The following EYS variants were observed in gnomAD, a reference collection of about 807,000 sequenced individuals.
EYS encodes the protein EGF-like photoreceptor maintenance factor.
Under a neutral mutation model 282.1 loss-of-function variants are expected in EYS, and 250 were observed. That is an observed-to-expected ratio of 0.89 (90% CI 0.80 to 0.98). EYS has a LOEUF of 0.98. Ranked by LOEUF, EYS falls within the 50% of genes least tolerant of loss-of-function variation. EYS has a pLI of 0.00. For missense variants in EYS, 4,016 were observed against 3,709.0 expected, an observed-to-expected ratio of 1.08 and a Z score of -2.15; for synonymous variants, 1,355 against 1,282.9, an observed-to-expected ratio of 1.06 and a Z score of -1.20.
intron 32 of EYS, among the ~76,000 whole-genome samples, chr6:64,076,773 A>G (rs1771786070): frequency 6.6e-6 from 1 of 151,900 alleles, no homozygotes; most frequent in Non-Finnish European, 1.5e-5. Flanking sequence ...TAGTGTAAAA[A>G]CAGGCTAATA....
intron 16 of EYS, among the ~76,000 whole-genome samples, chr6:64,907,805 T>C (rs75387498): frequency 1.0e-3 from 157 of 152,150 alleles, no homozygotes; most frequent in African/African-American, 3.5e-3. Context: ...GAATTTACTA[T>C]GTGTCTTAGC....
intron 22 of EYS, among the ~76,000 whole-genome samples, chr6:64,737,171 A>T (rs560120588): frequency 7.2e-5 from 11 of 152,200 alleles, no homozygotes; most frequent in Non-Finnish European, 1.2e-4. Flanking sequence ...ATAATAATCC[A>T]CTGTGATATA....
At chr6:64,812,240 TACACACACAC>T (rs71739816) in intron 22 of EYS, among the ~76,000 whole-genome samples, 1 of 147,956 alleles carries the variant, frequency 6.8e-6, no homozygotes, top group African/African-American at 2.5e-5. Context: ...GGATTTAAAA[TACACACACAC>T]ACACACACAC....
At chr6:65,303,583 TGA>T (rs1466013860) in intron 11 of EYS, 5 of 722,110 alleles carry the variant, frequency 6.9e-6, no homozygotes, top group Non-Finnish European at 1.2e-5. Context: ...ATAAAGTTGG[TGA>T]GATCCATGTG....
chr6:64,238,457 C>T (rs187927470), intron 30 of EYS, among the ~76,000 whole-genome samples: 106 of 152,182 alleles, frequency 7.0e-4, no homozygotes, highest in African/African-American at 2.4e-3. Context: ...AATTATATAG[C>T]GGTGAAGTCT....
At chr6:65,677,105 GAAA>G (rs58880200) in intron 1 of EYS, among the ~76,000 whole-genome samples, 16,596 of 107,932 alleles carry the variant, frequency 0.15, 1,114 homozygotes, top group East Asian at 0.25. Context: ...AGTCATTGGT[GAAA>G]AAAAAAAAAA....
intron 30 of EYS, among the ~76,000 whole-genome samples, chr6:64,264,298 C>T (rs970808167): frequency 2.0e-5 from 3 of 152,208 alleles, no homozygotes; most frequent in South Asian, 2.1e-4. Context: ...TAGGCTTAGG[C>T]GGGCAGTTCT....
chr6:65,072,720 A>G (rs372412912), intron 12 of EYS, among the ~76,000 whole-genome samples: 5 of 151,976 alleles, frequency 3.3e-5, no homozygotes, highest in African/African-American at 1.2e-4. Flanking sequence ...AATTCAAAAA[A>G]GAATCACAAA....
rs145130233 is a variant in EYS, at chr6:65,104,306, A to G, written c.2024-46579T>C. On this transcript the variant is annotated intron_variant, in intron 12 of 42. Transcript: ENST00000503581. ...AAAATGTCTTATAATGTGTCCTTCA[A>G]TGTTTAGAATGTTGTTTCTTTACTA... 7.2e-3 allele frequency among the ~76,000 whole-genome samples: 1,090 copies of G among 151,524 alleles called. 16 individuals carry two copies. Among genetic ancestry groups the G allele is most frequent in the African/African-American group, 0.025 (1,026 of 41,480 alleles).
At chr6:64,918,462 T>C (rs1768232712) in intron 15 of EYS, among the ~76,000 whole-genome samples, 1 of 152,136 alleles carries the variant, frequency 6.6e-6, no homozygotes, top group Admixed American at 6.5e-5. Context: ...TGTTTGTTCG[T>C]TTGTTTGTTT....
chr6:65,065,855 A>G (rs1443459148), intron 12 of EYS, among the ~76,000 whole-genome samples: 1 of 152,166 alleles, frequency 6.6e-6, no homozygotes, highest in East Asian at 1.9e-4. Context: ...TTCAATCCCC[A>G]CACTTACTAC....
At chr6:64,350,153 AACATTTTTTGTCAT>A (rs1771571148) in intron 29 of EYS, among the ~76,000 whole-genome samples, 2 of 151,678 alleles carry the variant, frequency 1.3e-5, no homozygotes, top group South Asian at 4.1e-4. Flanking sequence ...TAATAATGAT[AACATTTTTTGTCAT>A]ACATAATATT....
At chr6:64,254,566 A>G (rs1233241490) in intron 30 of EYS, among the ~76,000 whole-genome samples, 1 of 152,114 alleles carries the variant, frequency 6.6e-6, no homozygotes, top group East Asian at 1.9e-4. Context: ...CTCTGAGGTC[A>G]CATCAAGATG....
In EYS at chr6:65,518,547, AT is replaced by A. The variant is rs558361355; in HGVS notation, c.-332-22555del. Reference sequence around the variant, plus strand: ...TTATCTAATCAAAAAGGTAAGATTTATTTTATTTATTTTCTTTAGGTCATGC... The same window carrying A: ...TTATCTAATCAAAAAGGTAAGATTTATTTATTTATTTTCTTTAGGTCATGC... On this transcript the variant is annotated intron_variant, in intron 2 of 42. Coordinates refer to ENST00000503581, the MANE Select transcript of EYS (RefSeq NM_001142800.2). Among the ~76,000 whole-genome samples the A allele has an allele frequency of 3.3e-3, 499 of 152,234 alleles. 4 individuals carry two copies. Among genetic ancestry groups the A allele is most frequent in the Middle Eastern group, 0.014 (4 of 294 alleles).
chr6:64,309,849 C>A (rs1769607391), intron 29 of EYS, among the ~76,000 whole-genome samples: 1 of 151,754 alleles, frequency 6.6e-6, no homozygotes, highest in Non-Finnish European at 1.5e-5. Context: ...CCTGTAGTCC[C>A]AGCTACTCGG....
intron 31 of EYS, among the ~76,000 whole-genome samples, chr6:64,109,129 T>C (rs1773126128): frequency 6.6e-6 from 1 of 152,142 alleles, no homozygotes; most frequent in African/African-American, 2.4e-5. Context: ...CTTATGTGTT[T>C]GGATAATAAA....
At chr6:65,482,656 T>C (rs1765649564) in intron 5 of EYS, among the ~76,000 whole-genome samples, 1 of 152,220 alleles carries the variant, frequency 6.6e-6, no homozygotes, top group Non-Finnish European at 1.5e-5. Context: ...CTGTCTACCC[T>C]CTGATCTAAA....
chr6:65,398,985 G>A (rs946129482), intron 7 of EYS, among the ~76,000 whole-genome samples: 1 of 152,008 alleles, frequency 6.6e-6, no homozygotes, highest in Admixed American at 6.6e-5. Context: ...GCAAAAGATT[G>A]AACTATTCTT....
At chr6:64,264,402 G>A (rs1351792775) in intron 30 of EYS, among the ~76,000 whole-genome samples, 1 of 152,084 alleles carries the variant, frequency 6.6e-6, no homozygotes, top group Non-Finnish European at 1.5e-5. Flanking sequence ...TAGGACTACT[G>A]ATTTCTGTTC....
Sources: gnomAD v4.1 joint callset for allele counts (sites outside exome capture counted in the v4.1 genomes callset) on GRCh38, gnomAD v4.1.1 for gene constraint, MANE v1.5 for transcripts, NCBI Gene and HGNC (gene_info 2026-07-23, HGNC 2026-07-21) for gene names.